Variants in TBX20 observed in about 807,000 individuals in gnomAD.
The protein encoded by TBX20 is T-box transcription factor 20, also known as T-box transcription factor TBX20.
In TBX20, 8 loss-of-function variants were observed where a neutral mutation model predicts 42.9. That is an observed-to-expected ratio of 0.19 (90% CI 0.11 to 0.34). TBX20 has a LOEUF of 0.34. Ranked by LOEUF, TBX20 falls within the 10% of genes least tolerant of loss-of-function variation. The pLI, the probability that TBX20 is intolerant of heterozygous loss-of-function variation, is 1.00. For missense variants in TBX20, 411 were observed against 566.0 expected (o/e 0.73, Z 2.78); for synonymous variants, 198 against 222.8 (o/e 0.89, Z 0.99).
rs768674804 is a variant in TBX20, at chr7:35,253,497, G to A, written c.124C>T (p.Leu42=). 5 of 1,610,526 alleles carry A rather than the reference G, an allele frequency of 3.1e-6. No homozygotes were observed. The African/African-American group carries it at 6.7e-5, about 22-fold the overall frequency. Residue 42 remains leucine (L), a synonymous_variant, in exon 1 of 8, where the codon CTG becomes TTG. Coordinates refer to ENST00000408931, the MANE Select transcript of TBX20 (RefSeq NM_001077653.2). ...ACAGCCGGGTAGCCCAACTTACCCA[G>A]GGGTTTGATTGTGTTCTCCGTCGCC... is the stretch of plus-strand genomic sequence containing the variant. ...KEATENTIKP[L]EQFVEKSSCA...
At chr7:35,244,308 C>A (rs1376640556) in intron 4 of TBX20, among the ~76,000 whole-genome samples, 2 of 152,140 alleles carry the variant, frequency 1.3e-5, no homozygotes, top group Non-Finnish European at 2.9e-5. Context: ...GATAAGAACA[C>A]AGAGTTAATT....
At position 35,253,726 on chromosome 7, in the gene TBX20, A is replaced by C. The variant is rs553268186; in HGVS notation, c.-106T>G. On this transcript the variant is annotated 5_prime_UTR_variant, in exon 1 of 8. Coordinates refer to ENST00000408931, the MANE Select transcript of TBX20 (RefSeq NM_001077653.2). ...AACACAGCTCAAAGTTTCCGAGAGC[A>C]GTCACAGCGGGGCCAGGGACTCCAG... 2.0e-6 allele frequency: 3 copies of C among 1,470,472 alleles called. No individual in the cohort carries two copies. Among genetic ancestry groups the C allele is most frequent in the Non-Finnish European group, 2.7e-6 (3 of 1,092,414 alleles). The allele number at this position is 1,470,472 out of a possible 1,614,324, so 91.1% of individuals were successfully genotyped here. A position where few individuals can be genotyped will look rare whatever the true frequency, so the allele number is the denominator to read the frequency against.
chr7:35,216,555 T>C (rs966153517), intron 6 of TBX20, among the ~76,000 whole-genome samples: 3 of 152,250 alleles, frequency 2.0e-5, no homozygotes, highest in African/African-American at 4.8e-5. Flanking sequence ...TAAATGTTTA[T>C]AGATAACAAA....
At chr7:35,245,706 G>A (rs1327496728) in intron 3 of TBX20, among the ~76,000 whole-genome samples, 1 of 152,154 alleles carries the variant, frequency 6.6e-6, no homozygotes, top group Non-Finnish European at 1.5e-5. Context: ...CTAAATGAGA[G>A]TTAAAACAAG....
intron 3 of TBX20, among the ~76,000 whole-genome samples, chr7:35,248,475 A>T (rs1376410621): frequency 6.6e-6 from 1 of 152,248 alleles, no homozygotes; most frequent in African/African-American, 2.4e-5. Flanking sequence ...ACTTAAAGAC[A>T]GTGTTTTCTC....
intron 4 of TBX20, 152 bp downstream of exon 4, chr7:35,244,797 T>C (rs1233187133): frequency 1.1e-5 from 7 of 648,842 alleles, no homozygotes; most frequent in Non-Finnish European, 2.0e-5. Context: ...CAAGGTCCCC[T>C]GAAGAACACA....
At chr7:35,237,867 A>T (rs1406908685) in intron 5 of TBX20, among the ~76,000 whole-genome samples, 1 of 60,526 alleles carries the variant, frequency 1.7e-5, no homozygotes, top group Non-Finnish European at 4.0e-5. Flanking sequence ...ACATTTGTTT[A>T]AAAAAAAAAT....
At chr7:35,237,205 G>A (rs955965539) in intron 5 of TBX20, among the ~76,000 whole-genome samples, 9 of 152,140 alleles carry the variant, frequency 5.9e-5, no homozygotes, top group East Asian at 1.9e-4. Flanking sequence ...AATGGGACTC[G>A]TGGGGCCTTC....
chr7:35,220,169 T>C (rs1016563924), intron 6 of TBX20, among the ~76,000 whole-genome samples: 5 of 152,178 alleles, frequency 3.3e-5, no homozygotes, highest in Admixed American at 1.3e-4. Flanking sequence ...GGAAGAAAGA[T>C]ACCCGGGGTG....
rs1475484625 is a variant in TBX20, at chr7:35,204,477, T to A, written c.996A>T (p.Pro332=). Residue 332 remains proline, a synonymous_variant, in exon 7 of 8, where the codon CCA becomes CCT. Transcript: ENST00000408931. ...DVLGDESQTT[P]NRGSAFTTSD... ...CCTTGGAAACTACCTTACCTCGATT[T>A]GGGGTTGTCTGACTCTCATCCCCCA... 6.2e-7 allele frequency: 1 copy of A among 1,611,954 alleles called. No individual in the cohort carries two copies. The highest frequency in any genetic ancestry group is 2.2e-5 in the East Asian group (1 of 44,870).
At chr7:35,203,439 T>G (rs543761879) in intron 7 of TBX20, among the ~76,000 whole-genome samples, 60 of 152,084 alleles carry the variant, frequency 3.9e-4, no homozygotes, top group African/African-American at 1.3e-3. Context: ...CTTCCTCATC[T>G]GCCAACTCAG....
chr7:35,223,537 A>G (rs1789718458), intron 6 of TBX20, among the ~76,000 whole-genome samples: 1 of 152,200 alleles, frequency 6.6e-6, no homozygotes. Context: ...CACAGAAAGC[A>G]TGGTAAATGA....
At chr7:35,209,580 C>A (rs1167965657) in intron 6 of TBX20, among the ~76,000 whole-genome samples, 2 of 152,078 alleles carry the variant, frequency 1.3e-5, no homozygotes, top group Non-Finnish European at 2.9e-5. Context: ...AGTTTGGCCA[C>A]CAAATGGTCA....
At chr7:35,226,080 G>A (rs1426516339) in intron 6 of TBX20, among the ~76,000 whole-genome samples, 2 of 151,838 alleles carry the variant, frequency 1.3e-5, no homozygotes, top group Non-Finnish European at 2.9e-5. Flanking sequence ...AAAATATAAA[G>A]TTGTATGTCT....
chr7:35,202,566 G>A lies in TBX20; in HGVS notation c.1208C>T (p.Ala403Val). The change falls in exon 8 of 8, where the codon GCC (alanine) becomes GTC (valine). Residue 403 changes from alanine to valine, a missense_variant. Ala to Val is a moderately conservative substitution (Grantham distance 64, BLOSUM62 0). Transcript: ENST00000408931. Reference protein sequence around the residue: ...LGMPLTPSAIASSMQGSGPTF... With the variant: ...LGMPLTPSAIVSSMQGSGPTF... ...GGGGCCACTCCCTTGCATGGAGCTGGCAATGGCCGATGGTGTCAGAGGCAT... is the reference window on the plus strand; with the variant it reads ...GGGGCCACTCCCTTGCATGGAGCTGACAATGGCCGATGGTGTCAGAGGCAT... The A allele has an allele frequency of 6.2e-7, 1 of 1,614,086 alleles. No individual in the cohort carries two copies. Among genetic ancestry groups the A allele is most frequent in the Non-Finnish European group, 8.5e-7 (1 of 1,179,994 alleles).
intron 1 of TBX20, among the ~76,000 whole-genome samples, chr7:35,253,050 G>A (rs1790335437): frequency 1.3e-5 from 2 of 151,982 alleles, no homozygotes; most frequent in Non-Finnish European, 2.9e-5. Context: ...CAAAGAGCTT[G>A]CTCTGTTTTG....
intron 3 of TBX20, among the ~76,000 whole-genome samples, chr7:35,247,471 C>T (rs575501316): frequency 2.0e-5 from 3 of 151,972 alleles, no homozygotes; most frequent in East Asian, 3.9e-4. Context: ...TGGTCTCTTC[C>T]GAGAATGGAA....
At chr7:35,224,271 T>G (rs1045090841) in intron 6 of TBX20, among the ~76,000 whole-genome samples, 4 of 152,204 alleles carry the variant, frequency 2.6e-5, no homozygotes, top group African/African-American at 9.7e-5. Context: ...TACCAGCAAC[T>G]GACAAGAGAA....
chr7:35,249,844 C>G lies in TBX20; in HGVS notation c.380+107G>C, dbSNP rs978815024. 5 of 1,295,530 alleles carry G rather than the reference C, an allele frequency of 3.9e-6. No individual in the cohort carries two copies. In the African/African-American group the frequency reaches 7.4e-5, roughly 19 times the overall value. 80.3% of individuals were successfully genotyped at this position (1,295,530 alleles called of 1,614,324 possible). A position where few individuals can be genotyped will look rare whatever the true frequency, so the allele number is the denominator to read the frequency against. ...CTGCCCTGGAGCCAAGCTGTCTCTC[C>G]GCTCCATGACCAGCCAGCTCTCATC... is the stretch of plus-strand genomic sequence containing the variant. On this transcript the variant is annotated intron_variant, in intron 2 of 7. Transcript: ENST00000408931. This position sits in a 1 kb window ranked among gnomAD's most constrained non-coding sequence, Gnocchi z 4.3.
Sources: allele counts gnomAD v4.1 joint callset (sites outside exome capture counted in the v4.1 genomes callset), GRCh38; gene constraint gnomAD v4.1.1; non-coding constraint Gnocchi (gnomAD v3.1); transcripts MANE v1.5; gene names NCBI Gene and HGNC (gene_info 2026-07-23, HGNC 2026-07-21).